The following FSD1L variants were observed in gnomAD, a reference collection of about 807,000 sequenced individuals.
FSD1L encodes the protein fibronectin type III and SPRY domain containing 1 like, also known as FSD1-like protein.
FSD1L carries 45 observed loss-of-function variants against 71.6 expected under a neutral mutation model. That is an observed-to-expected ratio of 0.63 (90% confidence interval 0.49 to 0.81). The LOEUF is 0.81. Ranked by LOEUF, FSD1L falls within the 30% of genes least tolerant of loss-of-function variation. The pLI, the probability that FSD1L is intolerant of heterozygous loss-of-function variation, is 0.00. For missense variants in FSD1L, 561 were observed against 618.1 expected (o/e 0.91, Z 0.98); for synonymous variants, 197 against 207.2 (o/e 0.95, Z 0.42).
intron 1 of FSD1L, among the ~76,000 whole-genome samples, chr9:105,451,219 A>G (rs986454318): frequency 6.6e-6 from 1 of 152,192 alleles, no homozygotes; most frequent in East Asian, 1.9e-4. Flanking sequence ...TCGGCCTCCC[A>G]AAGTGCTGGG....
intron 7 of FSD1L, among the ~76,000 whole-genome samples, chr9:105,493,580 A>G (rs1280613395): frequency 6.6e-6 from 1 of 152,162 alleles, no homozygotes; most frequent in African/African-American, 2.4e-5. Flanking sequence ...TAGTTGATGC[A>G]GTTTCTTCCT....
At chr9:105,471,376 C>G (rs1831446608) in intron 4 of FSD1L, among the ~76,000 whole-genome samples, 1 of 151,982 alleles carries the variant, frequency 6.6e-6, no homozygotes, top group Non-Finnish European at 1.5e-5. Context: ...ACAGTTTGTT[C>G]TTCTGGCATT....
upstream of FSD1L, among the ~76,000 whole-genome samples, chr9:105,445,919 C>A (rs1829631823): frequency 6.6e-6 from 1 of 152,190 alleles, no homozygotes; most frequent in Admixed American, 6.5e-5. Context: ...CACATAGGCC[C>A]ACCCTGGACC....
rs535529412 is a variant in FSD1L at position 105,534,178 on chromosome 9, CT to C, written c.1026-307del. 2.7e-3 allele frequency among the ~76,000 whole-genome samples: 418 copies of C among 152,078 alleles called. 2 individuals are homozygous for C. Among genetic ancestry groups the C allele is most frequent in the African/African-American group, 8.8e-3 (365 of 41,484 alleles). ...TGTAACTCATTATCTTTCTTGAGTT[CT>C]TTTTTTTCTTTAGTAAATCTTGTCA... is the stretch of plus-strand genomic sequence containing the variant. On this transcript the variant is annotated intron_variant, in intron 10 of 13. Transcript: ENST00000481272.
chr9:105,516,659 C>G (rs1034901726), intron 10 of FSD1L, among the ~76,000 whole-genome samples: 2 of 152,122 alleles, frequency 1.3e-5, no homozygotes, highest in African/African-American at 4.8e-5. Context: ...CTCAAAGACC[C>G]CATCCGAAGG....
Position 105,467,211 on chromosome 9 carries a change from G to C in FSD1L, c.208-982G>C, listed in dbSNP as rs1446571908. Among the ~76,000 whole-genome samples, 5 of 152,116 alleles carry C rather than the reference G, an allele frequency of 3.3e-5. No individual in the cohort carries two copies. The East Asian group carries it at 9.6e-4, about 29-fold the overall frequency. Reference sequence around the variant, plus strand: ...TAGTAAAATAATTACCACCACCTTTGATGAGGTGCCTGTGAGGTATCTAGT... The same window carrying C: ...TAGTAAAATAATTACCACCACCTTTCATGAGGTGCCTGTGAGGTATCTAGT... On this transcript the variant is annotated intron_variant, in intron 3 of 13. Transcript: ENST00000481272.
In FSD1L at chr9:105,551,326, A is replaced by C. The variant is rs1589129748; in HGVS notation, c.*4843A>C. On this transcript the variant is annotated 3_prime_UTR_variant, in exon 14 of 14. Coordinates refer to ENST00000481272, the MANE Select transcript of FSD1L (RefSeq NM_001145313.3). ...CTTCTTTTTTGAAGTATTTAAAATT[A>C]ATCACCTTAGCTCTACCATATACTA... The C allele has an allele frequency of 6.6e-6, 1 of 152,076 alleles. No homozygotes were observed. Among genetic ancestry groups the C allele is most frequent in the East Asian group, 1.9e-4 (1 of 5,192 alleles). 9.4% of individuals were successfully genotyped at this position (152,076 alleles called of 1,614,324 possible).
intron 7 of FSD1L, among the ~76,000 whole-genome samples, chr9:105,494,476 C>T (rs1203053676): frequency 7.9e-5 from 12 of 152,086 alleles, no homozygotes; most frequent in African/African-American, 2.6e-4. Context: ...GTAGTTTGAT[C>T]GTCTGAGGCC....
chr9:105,522,588 G>A (rs548930424), intron 10 of FSD1L: 188 of 1,613,294 alleles, frequency 1.2e-4, no homozygotes, highest in Middle Eastern at 1.7e-4. Context: ...TGAAGAAACT[G>A]GAAATGAAGT....
At chr9:105,443,282 G>GC (rs1257539907), upstream of FSD1L, among the ~76,000 whole-genome samples, 1 of 152,230 alleles carries the variant, frequency 6.6e-6, no homozygotes, top group Non-Finnish European at 1.5e-5. Context: ...CACAATCATG[G>GC]CCGAAGGCGA....
Position 105,448,243 on chromosome 9 carries a change from G to A in FSD1L, c.15+8G>A. 1 of 1,537,134 alleles carries A rather than the reference G, an allele frequency of 6.5e-7. No homozygotes were observed. ...GCCATGGACTCCCAGAAAGTAAGCG[G>A]GGGAGGGGAGCCCGGGGCTACCGAG... is the stretch of plus-strand genomic sequence containing the variant. On this transcript the variant is annotated splice_region_variant and intron_variant, in intron 1 of 13. Coordinates refer to ENST00000481272, the MANE Select transcript of FSD1L (RefSeq NM_001145313.3).
rs1830910735 is a variant in FSD1L, at chr9:105,464,260, A to C, written c.136A>C (p.Thr46Pro). The change falls in exon 3 of 14, where the codon ACT (threonine) becomes CCT (proline). Residue 46 changes from threonine (T) to proline (P), a missense_variant. This residue lies in a region of FSD1L where 410 missense variants were observed against 413.5 expected (regional missense o/e 0.99). Transcript: ENST00000481272. ...GGAAGCTCTACAGAGGATCATTTCA[A>C]CTCTGGCAAATAAAAATGATGAAAT... The part of the protein sequence containing the change: ...QQEALQRIIS[T>P]LANKNDEIQN... 3.9e-6 allele frequency: 6 copies of C among 1,523,046 alleles called. No homozygotes were observed. In the East Asian group the frequency reaches 1.5e-4, roughly 38 times the overall value. The allele number at this position is 1,523,046 out of a possible 1,614,324, so 94.3% of individuals were successfully genotyped here.
chr9:105,487,134 G>A (rs1832603826), intron 7 of FSD1L, among the ~76,000 whole-genome samples: 1 of 152,072 alleles, frequency 6.6e-6, no homozygotes, highest in Non-Finnish European at 1.5e-5. Context: ...CCAGATCACT[G>A]TACATCACTT....
chr9:105,528,339 AAAAGAAC>A (rs1302239545), intron 10 of FSD1L, among the ~76,000 whole-genome samples: 1 of 152,250 alleles, frequency 6.6e-6, no homozygotes, highest in Non-Finnish European at 1.5e-5. Context: ...ATCTTAAGCA[AAAAGAAC>A]AAAGCTAGAG....
intron 5 of FSD1L, among the ~76,000 whole-genome samples, chr9:105,475,228 C>T (rs1473644558): frequency 1.3e-5 from 2 of 152,176 alleles, no homozygotes; most frequent in African/African-American, 4.8e-5. Flanking sequence ...TCATGCCACA[C>T]ATGCTCCGGT....
chr9:105,482,022 G>A (rs1417315482), intron 6 of FSD1L, among the ~76,000 whole-genome samples: 1 of 152,030 alleles, frequency 6.6e-6, no homozygotes, highest in East Asian at 1.9e-4. Context: ...CTGTCCTCTC[G>A]CGTCAGCCTT....
intron 5 of FSD1L, chr9:105,472,497 A>G (rs1229886095): frequency 2.0e-5 from 3 of 152,316 alleles, no homozygotes; most frequent in African/African-American, 7.2e-5. Context: ...TTTTTTAAGT[A>G]GGGTCATTTT....
At chr9:105,456,327 T>C (rs988135062) in intron 1 of FSD1L, among the ~76,000 whole-genome samples, 6 of 152,188 alleles carry the variant, frequency 3.9e-5, no homozygotes, top group Non-Finnish European at 7.3e-5. Context: ...AGCTTCCTCA[T>C]TGGAAAATGA....
intron 5 of FSD1L, among the ~76,000 whole-genome samples, chr9:105,478,695 T>G (rs1201783423): frequency 6.6e-6 from 1 of 152,186 alleles, no homozygotes; most frequent in Non-Finnish European, 1.5e-5. Flanking sequence ...AGATACCTTA[T>G]ATATAGGTTT....
Sources: gnomAD v4.1 joint callset for allele counts (sites outside exome capture counted in the v4.1 genomes callset) on GRCh38, gnomAD v4.1.1 for gene constraint, gnomAD v4.1.1 regional missense constraint, MANE v1.5 for transcripts, NCBI Gene and HGNC (gene_info 2026-07-23, HGNC 2026-07-21) for gene names.